MYO9A: variants seen among roughly 807,000 people sequenced by gnomAD.
MYO9A encodes unconventional myosin-IXa.
MYO9A carries 103 observed loss-of-function variants against 293.3 expected under a neutral mutation model. The ratio of observed to expected loss-of-function variants is 0.35; its 90% CI spans 0.30 to 0.41. MYO9A has a LOEUF of 0.41. Ranked by LOEUF, MYO9A falls within the 10% of genes least tolerant of loss-of-function variation. The pLI, the probability that MYO9A is intolerant of heterozygous loss-of-function variation, is 1.00. For missense variants in MYO9A, 2,685 were observed against 3,033.0 expected, an observed-to-expected ratio of 0.89 and a Z score of 2.69; for synonymous variants, 1,001 against 1,035.7, an observed-to-expected ratio of 0.97 and a Z score of 0.64.
intron 1 of MYO9A, chr15:72,116,933 T>C (rs145160822): frequency 0.013 from 1,915 of 152,292 alleles, 57 homozygotes; most frequent in Admixed American, 0.058. Context: ...CCTCCAAACA[T>C]GGGTCTCGGT....
At chr15:72,018,962 A>C in intron 6 of MYO9A, 77 bp downstream of exon 6, 1 of 1,132,720 alleles carries the variant, frequency 8.8e-7, no homozygotes, top group Non-Finnish European at 1.3e-6. Context: ...TTGCATTCTA[A>C]ATCTTCAGAT....
chr15:71,909,222 A>G (rs2057762994), intron 19 of MYO9A, among the ~76,000 whole-genome samples: 1 of 152,238 alleles, frequency 6.6e-6, no homozygotes, highest in South Asian at 2.1e-4. Flanking sequence ...ATATCTGTGT[A>G]CAGGTTATTG....
At chr15:71,956,861 ATATAT>A (rs777241605) in intron 14 of MYO9A, among the ~76,000 whole-genome samples, 5 of 34,298 alleles carry the variant, frequency 1.5e-4, no homozygotes, top group African/African-American at 2.2e-4. Context: ...ACACACACAA[ATATAT>A]ATATATATAT....
chr15:71,959,762 C>T (rs1359902801), intron 14 of MYO9A, 139 bp downstream of exon 14: 4 of 695,752 alleles, frequency 5.7e-6, no homozygotes, highest in African/African-American at 3.6e-5. Context: ...TAAGAGATGA[C>T]ACTAGATTGA....
intron 11 of MYO9A, among the ~76,000 whole-genome samples, chr15:71,983,466 ATTTC>A (rs1567346273): frequency 2.4e-5 from 2 of 84,582 alleles, no homozygotes; most frequent in Non-Finnish European, 5.0e-5. Flanking sequence ...TATTTTTTTT[ATTTC>A]TTTTTTTTTT....
intron 11 of MYO9A, 85 bp from the exon 12 acceptor site, chr15:71,978,377 C>A: frequency 1.8e-6 from 2 of 1,099,952 alleles, no homozygotes; most frequent in South Asian, 1.9e-5. Context: ...TTTTACCCTG[C>A]TTAAAATTCT....
chr15:71,950,111 T>G (rs1373759939), intron 15 of MYO9A: 2 of 151,882 alleles, frequency 1.3e-5, no homozygotes, highest in South Asian at 2.1e-4. Context: ...GGTAGTTCCG[T>G]TTTTTTTAAG....
Position 71,898,775 on chromosome 15 carries a change from C to G in MYO9A, c.3728G>C (p.Gly1243Ala). The G allele has an allele frequency of 6.2e-7, 1 of 1,614,196 alleles. No individual in the cohort carries two copies. Among genetic ancestry groups the G allele is most frequent in the Non-Finnish European group, 8.5e-7 (1 of 1,180,028 alleles). The change falls in exon 25 of 42, where the codon GGT becomes GCT. Residue 1243 changes from glycine to alanine, a missense_variant. Transcript: ENST00000356056. ...AAGCACATCTTCCTGCAAGTCCACACCACTCTGGCTTTGGGCTCTCTCCTG... is the reference window on the plus strand; with the variant it reads ...AAGCACATCTTCCTGCAAGTCCACAGCACTCTGGCTTTGGGCTCTCTCCTG... Reference protein sequence around the residue: ...KQQERAQSQSGVDLQEDVLVR... With the variant: ...KQQERAQSQSAVDLQEDVLVR...
intron 1 of MYO9A, among the ~76,000 whole-genome samples, chr15:72,074,951 CTTTTTTTTT>C (rs750462703): frequency 1.1e-4 from 6 of 53,128 alleles, no homozygotes; most frequent in Admixed American, 3.6e-4. Context: ...TTTTCACTGC[CTTTTTTTTT>C]TTTTTTTTTT....
chr15:71,977,561 A>C (rs2076175275), intron 12 of MYO9A, among the ~76,000 whole-genome samples: 1 of 152,188 alleles, frequency 6.6e-6, no homozygotes, highest in Non-Finnish European at 1.5e-5. Flanking sequence ...TTTCTGCTAA[A>C]CATGAAAACT....
intron 1 of MYO9A, among the ~76,000 whole-genome samples, chr15:72,101,263 C>G (rs1309060360): frequency 7.6e-6 from 1 of 130,768 alleles, no homozygotes; most frequent in African/African-American, 2.9e-5. Context: ...GCCCCCCGCC[C>G]GGCCAGCCGC....
Position 71,830,287 on chromosome 15 carries a change from T to C in MYO9A, c.6862A>G (p.Asn2288Asp), listed in dbSNP as rs2054667808. 1 of 1,613,616 alleles carries C rather than the reference T, an allele frequency of 6.2e-7. No individual in the cohort carries two copies. The highest frequency in any genetic ancestry group is 2.2e-5 in the East Asian group (1 of 44,876). Residue 2288 changes from asparagine to aspartate, a missense_variant, in exon 40 of 42, where the codon AAC (asparagine) becomes GAC (aspartate). By Grantham distance (23) the Asn-to-Asp change is conservative. Coordinates refer to ENST00000356056, the MANE Select transcript of MYO9A (RefSeq NM_006901.4). ...ACAGGAGACGATGGACCTGGATAGT[T>C]TCCTCGACGAATACGCCCCTTTCCC... Reference protein sequence around the residue: ...SMGKGRIRRGNYPGPSSPVVV... With the variant: ...SMGKGRIRRGDYPGPSSPVVV...
chr15:71,961,165 G>A (rs2075729694), intron 13 of MYO9A, among the ~76,000 whole-genome samples: 1 of 152,174 alleles, frequency 6.6e-6, no homozygotes, highest in Non-Finnish European at 1.5e-5. Flanking sequence ...GGTAAGAACT[G>A]CTAGTAACTT....
intron 13 of MYO9A, among the ~76,000 whole-genome samples, chr15:71,964,617 TA>T (rs36017249): frequency 4.8e-5 from 6 of 123,896 alleles, no homozygotes; most frequent in Admixed American, 2.5e-4. Context: ...CCATCTCTAC[TA>T]AAAAAAAAAA....
Position 71,875,887 on chromosome 15 carries a change from C to T in MYO9A, c.5932-49G>A, listed in dbSNP as rs376750465. 3 of 1,058,462 alleles carry T rather than the reference C, an allele frequency of 2.8e-6. No individual in the cohort carries two copies. The African/African-American group carries it at 5.0e-5, about 18-fold the overall frequency. 65.6% of individuals were successfully genotyped at this position (1,058,462 alleles called of 1,614,324 possible). A position where few individuals can be genotyped will look rare whatever the true frequency, so the allele number is the denominator to read the frequency against. On this transcript the variant is annotated intron_variant, in intron 31 of 41. Coordinates refer to ENST00000356056, the MANE Select transcript of MYO9A (RefSeq NM_006901.4). Reference sequence around the variant, plus strand: ...TGGAAATTGTGATAACAAAGACTAACATACTTTCTTACTTCATTGCAAATG... The same window carrying T: ...TGGAAATTGTGATAACAAAGACTAATATACTTTCTTACTTCATTGCAAATG...
rs772149187 is a variant in MYO9A at position 71,898,958 on chromosome 15, C to A, written c.3545G>T (p.Gly1182Val). Residue 1182 changes from glycine to valine, a missense_variant, in exon 25 of 42, where the codon GGA (glycine) becomes GTA (valine). Physicochemically the swap from Gly to Val is moderately radical, Grantham distance 109 (BLOSUM62 -3). Transcript: ENST00000356056. ...EVGLVNIKGYGSLEIQGSDPS... is the reference protein window; with the variant it reads ...EVGLVNIKGYVSLEIQGSDPS... ...GTCTGAACCCTGAATTTCCAGAGAT[C>A]CATATCCCTTAATATTCACCAATCC... 4 of 1,613,854 alleles carry A rather than the reference C, an allele frequency of 2.5e-6. No homozygotes were observed. The highest frequency in any genetic ancestry group is 3.4e-6 in the Non-Finnish European group (4 of 1,179,752).
In MYO9A at chr15:71,898,845, G is replaced by A. The variant is rs201969917; in HGVS notation, c.3658C>T (p.Arg1220Cys). ...KSVIESNRISRESSVDCLKES... is the reference protein window; with the variant it reads ...KSVIESNRISCESSVDCLKES... ...TTCAAGCAGTCCACTGAACTTTCAC[G>A]GCTAATTCGATTACTCTCTATTACA... The change falls in exon 25 of 42, where the codon CGT (arginine) becomes TGT (cysteine). Residue 1220 changes from arginine to cysteine, a missense_variant. Physicochemically the swap from Arg to Cys is radical, Grantham distance 180. This residue lies in a region of MYO9A where 1,434 missense variants were observed against 1,497.7 expected (regional missense o/e 0.96). Transcript: ENST00000356056. 284 of 1,613,994 alleles carry A rather than the reference G, an allele frequency of 1.8e-4. 1 individual carries two copies. The highest frequency in any genetic ancestry group is 1.3e-4 in the East Asian group (6 of 44,868).
intron 38 of MYO9A, among the ~76,000 whole-genome samples, chr15:71,849,586 A>C (rs1048804606): frequency 1.9e-4 from 29 of 152,266 alleles, no homozygotes; most frequent in African/African-American, 7.0e-4. Context: ...TATTTTTTAA[A>C]GTTCCTTTTG....
Position 71,826,855 on chromosome 15 carries a change from G to C in MYO9A, c.7372C>G (p.Pro2458Ala), listed in dbSNP as rs767534145. The C allele has an allele frequency of 4.3e-6, 7 of 1,614,066 alleles. No homozygotes were observed. Among genetic ancestry groups the C allele is most frequent in the Non-Finnish European group, 5.1e-6 (6 of 1,180,016 alleles). Residue 2458 changes from proline (P) to alanine (A), a missense_variant, in exon 42 of 42, where the codon CCA becomes GCA. By Grantham distance (27) the Pro-to-Ala change is conservative. Transcript: ENST00000356056. ...TTACCTGAGGCAGCTCGGTAGAATG[G>C]AGATTTGGAATAAATCTGAAATAGT... ...RKLFQIYSKSPFYRAASGNEA... is the reference protein window; with the variant it reads ...RKLFQIYSKSAFYRAASGNEA...
Sources: allele counts gnomAD v4.1 joint callset (sites outside exome capture counted in the v4.1 genomes callset), GRCh38; gene constraint gnomAD v4.1.1; regional missense constraint gnomAD v4.1.1; transcripts MANE v1.5; gene names NCBI Gene and HGNC (gene_info 2026-07-23, HGNC 2026-07-21).